FARP1: variants seen among roughly 807,000 people sequenced by gnomAD.
FARP1 encodes FERM, ARHGEF and pleckstrin domain-containing protein 1.
A neutral mutation model predicts 128.8 loss-of-function variants in FARP1; 52 were observed. The observed-to-expected ratio is 0.40, with a 90% confidence interval of 0.32 to 0.51. The LOEUF (loss-of-function observed/expected upper bound fraction) is 0.51. FARP1 is among the 20% of genes least tolerant of loss of function. FARP1 has a pLI of 0.45. For missense variants in FARP1, 1,333 were observed against 1,367.9 expected (o/e 0.97, Z 0.40); for synonymous variants, 580 against 551.8 (o/e 1.05, Z -0.72).
At chr13:98,250,493 C>T (rs769680696) in intron 2 of FARP1, among the ~76,000 whole-genome samples, 9 of 152,008 alleles carry the variant, frequency 5.9e-5, no homozygotes, top group Non-Finnish European at 1.0e-4. Flanking sequence ...GAGGCCGAGG[C>T]GGGTGGATCA....
At chr13:98,268,046 T>G (rs568740102) in intron 2 of FARP1, among the ~76,000 whole-genome samples, 2 of 152,346 alleles carry the variant, frequency 1.3e-5, no homozygotes, top group Admixed American at 6.5e-5. Flanking sequence ...TTGTTCGACC[T>G]CCAGAACTTT....
At chr13:98,200,158 C>G (rs1055764183) in intron 1 of FARP1, among the ~76,000 whole-genome samples, 5 of 152,168 alleles carry the variant, frequency 3.3e-5, no homozygotes, top group African/African-American at 9.7e-5. Flanking sequence ...CTTTTTCTTG[C>G]GAGGAGCTGC....
rs1878048621 is a variant in FARP1 at position 98,176,531 on chromosome 13, A to G, written c.-24+33039A>G. 5 of 1,614,162 alleles carry G rather than the reference A, an allele frequency of 3.1e-6. No homozygotes were observed. The East Asian group carries it at 1.1e-4, about 36-fold the overall frequency. ...TCATGGTTTTCGTCCTCGCAGATACAGTAGCGACCCTCTTCAAGCTCCCGT... is the reference window on the plus strand; with the variant it reads ...TCATGGTTTTCGTCCTCGCAGATACGGTAGCGACCCTCTTCAAGCTCCCGT... On this transcript the variant is annotated intron_variant, in intron 1 of 26. Coordinates refer to ENST00000319562, the MANE Select transcript of FARP1 (RefSeq NM_005766.4). The surrounding 1 kb of genome is among the most constrained non-coding windows in gnomAD (Gnocchi z 6.2).
chr13:98,318,066 TCC>T (rs1566871656), intron 2 of FARP1, among the ~76,000 whole-genome samples: 1 of 119,496 alleles, frequency 8.4e-6, no homozygotes, highest in East Asian at 2.8e-4. Flanking sequence ...CTTCTCCTCC[TCC>T]TTTTTTTTTT....
At chr13:98,330,333 T>C (rs1422299801) in intron 2 of FARP1, among the ~76,000 whole-genome samples, 2 of 152,180 alleles carry the variant, frequency 1.3e-5, no homozygotes, top group Non-Finnish European at 2.9e-5. Flanking sequence ...ATGTCTGATT[T>C]AAAGTAGAAG....
intron 2 of FARP1, among the ~76,000 whole-genome samples, chr13:98,222,853 G>T (rs1271096574): frequency 6.8e-6 from 1 of 148,104 alleles, no homozygotes; most frequent in Non-Finnish European, 1.5e-5. Flanking sequence ...GGCCAGGATG[G>T]TCTTGGTCTC....
chr13:98,381,438 T>C (rs1324356469), intron 6 of FARP1: 1 of 152,254 alleles, frequency 6.6e-6, no homozygotes, highest in African/African-American at 2.4e-5. Context: ...TTGGCTTGAA[T>C]GCATAGAGTC....
At chr13:98,243,024 C>A (rs1882860601) in intron 2 of FARP1, among the ~76,000 whole-genome samples, 1 of 152,156 alleles carries the variant, frequency 6.6e-6, no homozygotes, top group African/African-American at 2.4e-5. Flanking sequence ...TCCAGACTTG[C>A]TGTATTTTAT....
chr13:98,254,069 C>T (rs1418144122), intron 2 of FARP1, among the ~76,000 whole-genome samples: 3 of 152,218 alleles, frequency 2.0e-5, no homozygotes, highest in Admixed American at 6.5e-5. Flanking sequence ...ACCACCCCAA[C>T]TCATTTGCCC....
intron 1 of FARP1, among the ~76,000 whole-genome samples, chr13:98,210,512 A>G (rs1358885045): frequency 1.3e-5 from 2 of 150,038 alleles, no homozygotes. Context: ...CTGATTTCAA[A>G]CTTTCTCATC....
At chr13:98,422,309 A>G (rs7329659) in intron 16 of FARP1, among the ~76,000 whole-genome samples, 58,219 of 152,076 alleles carry the variant, frequency 0.38, 11,873 homozygotes, top group African/African-American at 0.52. Flanking sequence ...AGAGGTTAAC[A>G]GCTATCTTCC....
chr13:98,423,888 ACCTCACTGAAAGTGCCCACAG>A (rs1837986985), intron 16 of FARP1, among the ~76,000 whole-genome samples: 1 of 152,102 alleles, frequency 6.6e-6, no homozygotes, highest in African/African-American at 2.4e-5. Flanking sequence ...TGTACCCCAA[ACCTCACTGAAAGTGCCCACAG>A]CTTTGCTGTC....
intron 3 of FARP1, among the ~76,000 whole-genome samples, chr13:98,357,482 G>A (rs1396722444): frequency 1.3e-4 from 20 of 152,104 alleles, no homozygotes; most frequent in Admixed American, 1.2e-3. Context: ...CTATTGTTAG[G>A]TCTTCAAGTT....
At chr13:98,188,921 CT>C (rs1305566885) in intron 1 of FARP1, among the ~76,000 whole-genome samples, 3 of 152,192 alleles carry the variant, frequency 2.0e-5, no homozygotes, top group African/African-American at 7.2e-5. Flanking sequence ...GTCTTTGGCC[CT>C]GGACCCAGGA....
chr13:98,442,231 G>A (rs1892554038), intron 24 of FARP1, among the ~76,000 whole-genome samples: 1 of 152,244 alleles, frequency 6.6e-6, no homozygotes, highest in South Asian at 2.1e-4. Context: ...TCACATAAGA[G>A]ACTCAGGCCA....
chr13:98,352,875 G>A (rs1888492763), intron 3 of FARP1, among the ~76,000 whole-genome samples: 1 of 152,128 alleles, frequency 6.6e-6, no homozygotes, highest in African/African-American at 2.4e-5. Flanking sequence ...GATGGAAGAG[G>A]AAGCTATAGA....
intron 2 of FARP1, among the ~76,000 whole-genome samples, chr13:98,257,003 C>T (rs1883651405): frequency 8.3e-6 from 1 of 120,248 alleles, no homozygotes; most frequent in Middle Eastern, 5.8e-3. Flanking sequence ...CGAAAGATTT[C>T]CCTTCTGAAG....
At chr13:98,196,032 A>G (rs1879550984) in intron 1 of FARP1, among the ~76,000 whole-genome samples, 1 of 152,154 alleles carries the variant, frequency 6.6e-6, no homozygotes, top group African/African-American at 2.4e-5. Context: ...TCTTCAAGAC[A>G]TATTAGTAGA....
At chr13:98,283,871 T>C (rs1384642647) in intron 2 of FARP1, among the ~76,000 whole-genome samples, 1 of 152,216 alleles carries the variant, frequency 6.6e-6, no homozygotes, top group Non-Finnish European at 1.5e-5. Flanking sequence ...AAAGTTAGAA[T>C]TTTCTGTTTG....
Sources: allele counts gnomAD v4.1 joint callset (sites outside exome capture counted in the v4.1 genomes callset), GRCh38; gene constraint gnomAD v4.1.1; non-coding constraint Gnocchi (gnomAD v3.1); transcripts MANE v1.5; gene names NCBI Gene and HGNC (gene_info 2026-07-23, HGNC 2026-07-21).